Variants in COP1 observed in about 807,000 individuals in gnomAD.
The protein encoded by COP1 is COP1 E3 ubiquitin ligase.
COP1 carries 24 observed loss-of-function variants against 101.3 expected under a neutral mutation model. That is an observed-to-expected ratio of 0.24 (90% CI 0.17 to 0.33). The LOEUF (loss-of-function observed/expected upper bound fraction) is 0.33. Among genes scored for constraint, COP1 ranks in the 10% least tolerant of loss-of-function variants. The pLI is 1.00. For synonymous variants in COP1, 347 were observed against 341.9 expected (o/e 1.01, Z -0.17); for missense variants, 663 against 906.2 (o/e 0.73, Z 3.45).
chr1:176,106,510 AG>A (rs2149531669), intron 9 of COP1, among the ~76,000 whole-genome samples: 1 of 152,346 alleles, frequency 6.6e-6, no homozygotes, highest in South Asian at 2.1e-4. Context: ...ACTGCTCTTA[AG>A]ATCAGTGCTT....
intron 9 of COP1, among the ~76,000 whole-genome samples, chr1:176,088,476 C>T (rs996569815): frequency 6.6e-6 from 1 of 152,098 alleles, no homozygotes; most frequent in Non-Finnish European, 1.5e-5. Flanking sequence ...TCCATATGTT[C>T]ATCTCGGTAT....
At position 176,091,445 on chromosome 1, in the gene COP1, CA is replaced by C. The variant is rs569921004; in HGVS notation, c.1027-5556del. ...TGAGACACAAAATAAAAAAAGAGAG[CA>C]AGGAAACGAGCAAATAAATAAGTGA... On this transcript the variant is annotated intron_variant, in intron 9 of 19. Coordinates refer to ENST00000367669, the MANE Select transcript of COP1 (RefSeq NM_022457.7). Among the ~76,000 whole-genome samples, 6 of 151,490 alleles carry C rather than the reference CA, an allele frequency of 4.0e-5. No homozygotes were observed. In the South Asian group the frequency reaches 1.2e-3, roughly 31 times the overall value.
chr1:176,048,071 T>A (rs1224876877), intron 11 of COP1, among the ~76,000 whole-genome samples: 1 of 151,958 alleles, frequency 6.6e-6, no homozygotes, highest in Non-Finnish European at 1.5e-5. Context: ...AGACCCTGTC[T>A]TAAAAAACAA....
intron 18 of COP1, among the ~76,000 whole-genome samples, chr1:175,964,893 A>G (rs936806497): frequency 1.1e-4 from 16 of 152,244 alleles, no homozygotes; most frequent in Admixed American, 7.9e-4. Flanking sequence ...TATTCTCTCC[A>G]TAAGAGCCTC....
chr1:175,953,796 T>C (rs545410091), intron 18 of COP1, among the ~76,000 whole-genome samples: 4 of 151,112 alleles, frequency 2.6e-5, no homozygotes, highest in Non-Finnish European at 4.4e-5. Flanking sequence ...TATACATATA[T>C]ATCTAAAACA....
chr1:176,171,680 A>C (rs1331495589), intron 3 of COP1, among the ~76,000 whole-genome samples: 2 of 150,494 alleles, frequency 1.3e-5, no homozygotes, highest in African/African-American at 2.5e-5. Flanking sequence ...ACAAACTTTC[A>C]ATTTGTTAAA....
chr1:176,114,131 A>T (rs1156418323), intron 9 of COP1, among the ~76,000 whole-genome samples: 2 of 152,162 alleles, frequency 1.3e-5, no homozygotes, highest in African/African-American at 4.8e-5. Context: ...ATGCCAAGCC[A>T]GTTTCCAGAT....
intron 11 of COP1, among the ~76,000 whole-genome samples, chr1:176,078,595 G>T (rs1279931124): frequency 1.3e-5 from 2 of 148,956 alleles, no homozygotes; most frequent in African/African-American, 4.9e-5. Context: ...AATAATTTAT[G>T]GCTAAGTCTT....
Position 176,152,465 on chromosome 1 carries a change from T to TGAGACA in COP1, c.763-3397_763-3392dup, listed in dbSNP as rs1354846531. Reference sequence around the variant, plus strand: ...TATTACTTAGATTTTTTTTTTTTCTTGAGACAGAGCCTCACTCTGTTTCCC... The same window carrying TGAGACA: ...TATTACTTAGATTTTTTTTTTTTCTTGAGACAGAGACAGAGCCTCACTCTGTTTCCC... On this transcript the variant is annotated intron_variant, in intron 5 of 19. Transcript: ENST00000367669. 2.6e-3 allele frequency among the ~76,000 whole-genome samples: 395 copies of TGAGACA among 152,164 alleles called. 3 individuals carry two copies. The highest frequency in any genetic ancestry group is 9.1e-3 in the African/African-American group (377 of 41,528).
chr1:176,183,409 C>T (rs1698036706), intron 2 of COP1, among the ~76,000 whole-genome samples: 1 of 152,182 alleles, frequency 6.6e-6, no homozygotes, highest in Non-Finnish European at 1.5e-5. Flanking sequence ...ACACAGATTA[C>T]ACATCCATCA....
intron 8 of COP1, 147 bp downstream of exon 8, chr1:176,134,863 T>C: frequency 1.9e-6 from 1 of 516,118 alleles, no homozygotes; most frequent in Non-Finnish European, 3.6e-6. Flanking sequence ...AGGAAACAGA[T>C]GGGCCATATG....
At chr1:176,085,965 A>G in intron 9 of COP1, 75 bp from the exon 10 acceptor site, 2 of 715,768 alleles carry the variant, frequency 2.8e-6, no homozygotes, top group Non-Finnish European at 4.7e-6. Context: ...CAAATGTTTG[A>G]GCATTTACCC....
At chr1:176,202,755 G>A (rs948930401) in intron 1 of COP1, among the ~76,000 whole-genome samples, 3 of 151,938 alleles carry the variant, frequency 2.0e-5, no homozygotes, top group African/African-American at 7.2e-5. Flanking sequence ...GTAATTAATA[G>A]GTAATGGCTA....
chr1:175,962,784 A>T (rs2148546079), intron 18 of COP1, among the ~76,000 whole-genome samples: 1 of 152,144 alleles, frequency 6.6e-6, no homozygotes, highest in South Asian at 2.1e-4. Context: ...ACCTAGAGTC[A>T]TCTCCTTTAA....
intron 5 of COP1, among the ~76,000 whole-genome samples, chr1:176,160,774 C>T (rs598177): frequency 0.86 from 131,425 of 152,188 alleles, 58,830 homozygotes; most frequent in Non-Finnish European, 0.98. Context: ...CAAGAAACAA[C>T]AGATGCTGAC....
chr1:176,105,590 G>C (rs1406915965), intron 9 of COP1, among the ~76,000 whole-genome samples: 2 of 152,048 alleles, frequency 1.3e-5, no homozygotes, highest in Non-Finnish European at 2.9e-5. Flanking sequence ...AATATAGAAA[G>C]GACAAATGCC....
chr1:176,052,510 C>T (rs1269892156), intron 11 of COP1, among the ~76,000 whole-genome samples: 1 of 152,118 alleles, frequency 6.6e-6, no homozygotes, highest in African/African-American at 2.4e-5. Flanking sequence ...ACACACAGCT[C>T]TATTCATATA....
intron 11 of COP1, among the ~76,000 whole-genome samples, chr1:176,048,238 G>A (rs180885273): frequency 1.1e-3 from 127 of 119,700 alleles, no homozygotes; most frequent in African/African-American, 3.8e-3. Flanking sequence ...TCACTATGTC[G>A]CCTGGGCTGG....
At chr1:176,044,391 T>C (rs1435905993) in intron 12 of COP1, among the ~76,000 whole-genome samples, 9 of 152,192 alleles carry the variant, frequency 5.9e-5, no homozygotes, top group African/African-American at 1.9e-4. Context: ...GTCTACAACA[T>C]CTAAAAACTT....
Sources: gnomAD v4.1 joint callset for allele counts (sites outside exome capture counted in the v4.1 genomes callset) on GRCh38, gnomAD v4.1.1 for gene constraint, MANE v1.5 for transcripts, NCBI Gene and HGNC (gene_info 2026-07-23, HGNC 2026-07-21) for gene names.